TDRD3: variants seen among roughly 807,000 people sequenced by gnomAD.
TDRD3 encodes tudor domain containing 3, also known as tudor domain-containing protein 3.
A neutral mutation model predicts 86.7 loss-of-function variants in TDRD3; 45 were observed. That is an observed-to-expected ratio of 0.52 (90% CI 0.41 to 0.67). The LOEUF (loss-of-function observed/expected upper bound fraction) is 0.67, where lower values mean the gene tolerates loss of function less well. Among genes scored for constraint, TDRD3 ranks in the 30% least tolerant of loss-of-function variants. TDRD3 has a pLI of 0.00. For synonymous variants in TDRD3, 298 were observed against 301.7 expected (o/e 0.99, Z 0.13); for missense variants, 814 against 889.0 (o/e 0.92, Z 1.07).
intron 10 of TDRD3, among the ~76,000 whole-genome samples, chr13:60,518,754 C>G (rs1354465538): frequency 6.6e-6 from 1 of 152,094 alleles, no homozygotes; most frequent in Non-Finnish European, 1.5e-5. Flanking sequence ...GTATCCAGCA[C>G]TAAGCTACAA....
At chr13:60,505,429 A>G (rs1019184181) in intron 8 of TDRD3, among the ~76,000 whole-genome samples, 2 of 152,234 alleles carry the variant, frequency 1.3e-5, no homozygotes, top group African/African-American at 2.4e-5. Flanking sequence ...AAAGAAAGGC[A>G]GATGCCTCAG....
intron 3 of TDRD3, among the ~76,000 whole-genome samples, chr13:60,452,145 T>C (rs983439471): frequency 6.6e-6 from 1 of 152,180 alleles, no homozygotes; most frequent in Non-Finnish European, 1.5e-5. Flanking sequence ...TGAGCTTGCA[T>C]GAGCTGGCTC....
intron 1 of TDRD3, among the ~76,000 whole-genome samples, chr13:60,404,916 G>A (rs909337727): frequency 9.9e-5 from 15 of 152,206 alleles, no homozygotes; most frequent in South Asian, 6.2e-4. Context: ...TGCTGTTCTC[G>A]TGATAGTGAA....
chr13:60,566,905 GTCTTAC>G (rs1300257628), intron 12 of TDRD3, among the ~76,000 whole-genome samples: 2 of 152,082 alleles, frequency 1.3e-5, no homozygotes, highest in Non-Finnish European at 2.9e-5. Context: ...AATAGTTTGA[GTCTTAC>G]TCTGGTGATC....
At chr13:60,520,553 C>T (rs1447066595) in intron 10 of TDRD3, among the ~76,000 whole-genome samples, 1 of 152,148 alleles carries the variant, frequency 6.6e-6, no homozygotes, top group Non-Finnish European at 1.5e-5. Flanking sequence ...CCCCACTCCT[C>T]CTAGTTTTTT....
At chr13:60,506,072 C>G (rs2137632724) in intron 8 of TDRD3, among the ~76,000 whole-genome samples, 1 of 152,200 alleles carries the variant, frequency 6.6e-6, no homozygotes, top group East Asian at 1.9e-4. Context: ...CCCCAAGACA[C>G]ATAATCATCA....
intron 12 of TDRD3, among the ~76,000 whole-genome samples, chr13:60,565,603 T>C (rs1254462236): frequency 6.6e-6 from 1 of 152,174 alleles, no homozygotes; most frequent in East Asian, 1.9e-4. Context: ...TATCTCTGTG[T>C]ATTTTATTAA....
intron 7 of TDRD3, among the ~76,000 whole-genome samples, chr13:60,493,845 A>G (rs1484913115): frequency 1.3e-5 from 2 of 152,218 alleles, no homozygotes; most frequent in East Asian, 3.8e-4. Flanking sequence ...TTCAAATTTA[A>G]TGTCACATAT....
intron 8 of TDRD3, among the ~76,000 whole-genome samples, chr13:60,496,341 A>ATATC (rs1956719064): frequency 2.2e-5 from 2 of 91,584 alleles, no homozygotes; most frequent in East Asian, 3.9e-4. Flanking sequence ...ATATATATAT[A>ATATC]TATCCTCTAA....
intron 12 of TDRD3, 57 bp from the exon 13 acceptor site, chr13:60,567,468 T>C: frequency 6.2e-7 from 1 of 1,612,148 alleles, no homozygotes; most frequent in Non-Finnish European, 8.5e-7. Flanking sequence ...CAATTTTTTT[T>C]ACTTAAGAAA....
intron 5 of TDRD3, among the ~76,000 whole-genome samples, chr13:60,472,238 G>A (rs1473852838): frequency 1.3e-5 from 2 of 152,056 alleles, no homozygotes; most frequent in Non-Finnish European, 2.9e-5. Flanking sequence ...GGTCTCTAAT[G>A]CTTTTTATAT....
chr13:60,422,865 A>G (rs1954697701), intron 1 of TDRD3, among the ~76,000 whole-genome samples: 1 of 152,164 alleles, frequency 6.6e-6, no homozygotes, highest in South Asian at 2.1e-4. Flanking sequence ...AAAAACCAAA[A>G]CAATTGAAAA....
chr13:60,523,853 A>AG (rs1454587291), intron 10 of TDRD3, among the ~76,000 whole-genome samples: 4 of 152,116 alleles, frequency 2.6e-5, no homozygotes, highest in Non-Finnish European at 4.4e-5. Context: ...CTGGGATTAC[A>AG]GGCGTGAGCC....
rs145255222 is a variant in TDRD3 at position 60,478,594 on chromosome 13, C to T, written c.496-5181C>T. On this transcript the variant is annotated intron_variant, in intron 5 of 13. Coordinates refer to ENST00000377881, the MANE Select transcript of TDRD3 (RefSeq NM_001146070.2). ...TGCTGGGATTACAGGCATGAGCTAC[C>T]GTGCCCGGTCCACAGTCTGTCAATC... is the stretch of plus-strand genomic sequence containing the variant. 5.0e-3 allele frequency among the ~76,000 whole-genome samples: 761 copies of T among 152,072 alleles called. 3 individuals carry two copies. Among genetic ancestry groups the T allele is most frequent in the Middle Eastern group, 0.024 (7 of 294 alleles).
At chr13:60,551,004 T>C (rs1033114376) in intron 12 of TDRD3, among the ~76,000 whole-genome samples, 6 of 152,176 alleles carry the variant, frequency 3.9e-5, no homozygotes, top group Non-Finnish European at 1.5e-5. Flanking sequence ...TTATGGATAA[T>C]TCGTGTTTGA....
intron 12 of TDRD3, chr13:60,536,928 A>AT (rs1297084922): frequency 6.6e-6 from 1 of 151,872 alleles, no homozygotes; most frequent in East Asian, 1.9e-4. Context: ...TTTATCCTTG[A>AT]TTTTAGGTCT....
At chr13:60,419,548 A>C (rs544337644) in intron 1 of TDRD3, among the ~76,000 whole-genome samples, 1 of 151,946 alleles carries the variant, frequency 6.6e-6, no homozygotes, top group African/African-American at 2.4e-5. Flanking sequence ...ACCAAACACC[A>C]TGTGTTCTCA....
upstream of TDRD3, chr13:60,396,972 A>G (rs946929019): frequency 1.2e-5 from 2 of 160,276 alleles, no homozygotes; most frequent in Non-Finnish European, 2.7e-5. Context: ...CAAACGCCAC[A>G]CTTTTGCTCT....
intron 8 of TDRD3, among the ~76,000 whole-genome samples, chr13:60,503,305 C>G (rs940880004): frequency 1.3e-5 from 2 of 152,110 alleles, no homozygotes; most frequent in Non-Finnish European, 2.9e-5. Flanking sequence ...TGTAACCCAT[C>G]TTTTGAGAAG....
Sources: allele counts gnomAD v4.1 joint callset (sites outside exome capture counted in the v4.1 genomes callset), GRCh38; gene constraint gnomAD v4.1.1; transcripts MANE v1.5; gene names NCBI Gene and HGNC (gene_info 2026-07-23, HGNC 2026-07-21).